Variants in IDE observed in about 807,000 individuals in gnomAD.
The protein encoded by IDE is insulin-degrading enzyme.
IDE carries 58 observed loss-of-function variants against 133.2 expected under a neutral mutation model. The observed-to-expected ratio is 0.44, with a 90% CI of 0.35 to 0.54. The LOEUF is 0.54. Ranked by LOEUF, IDE falls within the 20% of genes least tolerant of loss-of-function variation. The pLI is 0.00. For synonymous variants in IDE, 396 were observed against 421.3 expected (o/e 0.94, Z 0.73); for missense variants, 981 against 1,234.0 (o/e 0.79, Z 3.07).
chr10:92,498,794 G>A (rs557162656), intron 11 of IDE, among the ~76,000 whole-genome samples: 11 of 151,872 alleles, frequency 7.2e-5, no homozygotes, highest in East Asian at 1.9e-4. Flanking sequence ...GCATGGTGGC[G>A]GGTGCATGTT....
intron 8 of IDE, 124 bp downstream of exon 8, chr10:92,507,989 A>G: frequency 5.5e-6 from 4 of 733,468 alleles, no homozygotes; most frequent in Non-Finnish European, 9.4e-6. Context: ...AATACAATGG[A>G]TAAGTTGTAT....
chr10:92,469,120 T>C (rs541399347), intron 18 of IDE, 130 bp from the exon 19 acceptor site: 18 of 602,150 alleles, frequency 3.0e-5, no homozygotes, highest in South Asian at 2.8e-4. Flanking sequence ...TTCAAATGGA[T>C]AAAAATTGAA....
rs1011743140 is a variant in IDE, at chr10:92,452,211, A to C, written c.*2233T>G. 3.3e-5 allele frequency: 5 copies of C among 152,180 alleles called. No homozygotes were observed. Among genetic ancestry groups the C allele is most frequent in the African/African-American group, 1.2e-4 (5 of 41,446 alleles). The allele number at this position is 152,180 out of a possible 1,614,324, so 9.4% of individuals were successfully genotyped here. ...GACTGGCCACTGTACTATTTCACTA[A>C]AACTGGAAAAATAATACAAATGCAG... On this transcript the variant is annotated 3_prime_UTR_variant, in exon 25 of 25. Transcript: ENST00000265986.
intron 1 of IDE, among the ~76,000 whole-genome samples, chr10:92,555,669 G>C (rs2135780592): frequency 6.6e-6 from 1 of 152,142 alleles, no homozygotes; most frequent in African/African-American, 2.4e-5. Context: ...ATCAAACTAG[G>C]AATAAAAGAG....
At chr10:92,523,693 C>T (rs183719851) in intron 4 of IDE, among the ~76,000 whole-genome samples, 288 of 143,964 alleles carry the variant, frequency 2.0e-3, no homozygotes, top group Middle Eastern at 3.5e-3. Context: ...AAGAGTAAGA[C>T]TCAGTCTTAA....
chr10:92,479,100 G>A (rs894351131), intron 15 of IDE, among the ~76,000 whole-genome samples, 177 bp downstream of exon 15: 1 of 151,818 alleles, frequency 6.6e-6, no homozygotes, highest in South Asian at 2.1e-4. Context: ...AATATGAATG[G>A]TATGTAGTTG....
intron 11 of IDE, among the ~76,000 whole-genome samples, chr10:92,498,101 C>T (rs972937814): frequency 3.3e-5 from 5 of 152,194 alleles, no homozygotes; most frequent in African/African-American, 1.2e-4. Flanking sequence ...AAAGCACTAT[C>T]CCCACTTTGC....
chr10:92,526,097 G>A (rs1273812008), intron 4 of IDE, among the ~76,000 whole-genome samples: 1 of 151,132 alleles, frequency 6.6e-6, no homozygotes, highest in African/African-American at 2.4e-5. Flanking sequence ...AGGTTGCAGT[G>A]AGCTGAGATG....
At chr10:92,526,152 C>CAA (rs748661052) in intron 4 of IDE, among the ~76,000 whole-genome samples, 33 of 82,772 alleles carry the variant, frequency 4.0e-4, no homozygotes, top group African/African-American at 5.9e-4. Flanking sequence ...GACTCCGTCT[C>CAA]AAAAAAAAAA....
At chr10:92,555,386 A>G (rs1842958854) in intron 1 of IDE, among the ~76,000 whole-genome samples, 1 of 151,920 alleles carries the variant, frequency 6.6e-6, no homozygotes, top group African/African-American at 2.4e-5. Flanking sequence ...AATCCCAGCT[A>G]CTTGGGAAAC....
Position 92,537,412 on chromosome 10 carries a change from A to G in IDE, c.237T>C (p.Ser79=). 6.2e-7 allele frequency: 1 copy of G among 1,613,296 alleles called. No individual in the cohort carries two copies. Among genetic ancestry groups the G allele is most frequent in the Non-Finnish European group, 8.5e-7 (1 of 1,179,810 alleles). ...LANGIKVLLI[S]DPTTDKSSAA... is the part of the protein sequence containing the mutation. ...CTGATGACTTATCCGTGGTGGGATC[A>G]CTGATAAGAAGTACTTTGATACCAT... The change falls in exon 2 of 25, where the codon AGT becomes AGC. Residue 79 remains serine (S), a synonymous_variant. Transcript: ENST00000265986.
chr10:92,517,838 A>G (rs2135582397), intron 4 of IDE, among the ~76,000 whole-genome samples: 1 of 152,030 alleles, frequency 6.6e-6, no homozygotes, highest in East Asian at 1.9e-4. Flanking sequence ...ATCACTTGAA[A>G]CCAGGAGGCA....
intron 24 of IDE, among the ~76,000 whole-genome samples, chr10:92,455,208 T>A (rs547780204): frequency 1.3e-5 from 2 of 152,222 alleles, no homozygotes; most frequent in South Asian, 4.1e-4. Flanking sequence ...GGGCACAGTG[T>A]CTCGTGCCTG....
chr10:92,536,641 T>C (rs1842020466), intron 2 of IDE, among the ~76,000 whole-genome samples: 1 of 146,306 alleles, frequency 6.8e-6, no homozygotes, highest in Admixed American at 6.9e-5. Context: ...GAGGTTGCAG[T>C]GAGCCGAGAT....
chr10:92,476,249 C>T (rs571235503), intron 15 of IDE, among the ~76,000 whole-genome samples: 37 of 151,748 alleles, frequency 2.4e-4, no homozygotes, highest in African/African-American at 8.0e-4. Flanking sequence ...TTTCAGTTCA[C>T]TGCAACCTCA....
At chr10:92,562,450 GA>G (rs1360223868) in intron 1 of IDE, among the ~76,000 whole-genome samples, 1 of 152,212 alleles carries the variant, frequency 6.6e-6, no homozygotes, top group African/African-American at 2.4e-5. Context: ...AAGATAAAAA[GA>G]ATAACCAAGT....
At chr10:92,492,953 C>T (rs771425421) in intron 11 of IDE, among the ~76,000 whole-genome samples, 6 of 152,152 alleles carry the variant, frequency 3.9e-5, no homozygotes, top group East Asian at 3.8e-4. Flanking sequence ...TCAGTATGAC[C>T]GACTAATCTT....
intron 1 of IDE, among the ~76,000 whole-genome samples, chr10:92,557,874 C>CAAAAAAAAAAAAAAAAAAAAAAAAAAAAA: frequency 9.2e-6 from 1 of 108,340 alleles, no homozygotes; most frequent in Non-Finnish European, 1.8e-5. Context: ...GATTCCACCT[C>CAAAAAAAAAAAAAAAAAAAAAAAAAAAAA]AAAAAAAAAA....
rs566917096 is a variant in IDE, at chr10:92,515,651, T to C, written c.662-609A>G. Among the ~76,000 whole-genome samples the C allele has an allele frequency of 3.6e-4, 51 of 140,068 alleles. No homozygotes were observed. In the South Asian group the frequency reaches 0.011, roughly 31 times the overall value. The allele number at this position is 140,068 out of a possible 152,430, so 91.9% of individuals were successfully genotyped here. On this transcript the variant is annotated intron_variant, in intron 4 of 24. Coordinates refer to ENST00000265986, the MANE Select transcript of IDE (RefSeq NM_004969.4). Reference sequence around the variant, plus strand: ...ATCTCGGCTCACCCCAACCTCCGCCTCCCGGGTTCAAGTGATTCTCCTGCC... The same window carrying C: ...ATCTCGGCTCACCCCAACCTCCGCCCCCCGGGTTCAAGTGATTCTCCTGCC...
Sources: allele counts gnomAD v4.1 joint callset (sites outside exome capture counted in the v4.1 genomes callset), GRCh38; gene constraint gnomAD v4.1.1; transcripts MANE v1.5; gene names NCBI Gene and HGNC (gene_info 2026-07-23, HGNC 2026-07-21).